TRPM3: variants seen among roughly 807,000 people sequenced by gnomAD.
TRPM3 encodes the protein transient receptor potential cation channel subfamily M member 3.
A neutral mutation model predicts 181.2 loss-of-function variants in TRPM3; 77 were observed. The observed-to-expected ratio is 0.42, with a 90% CI of 0.35 to 0.51. The LOEUF (loss-of-function observed/expected upper bound fraction) is 0.51, where lower values mean the gene tolerates loss of function less well. TRPM3 is among the 20% of genes least tolerant of loss of function. TRPM3 has a pLI of 0.01. For synonymous variants in TRPM3, 745 were observed against 796.4 expected, an observed-to-expected ratio of 0.94 and a Z score of 1.09; for missense variants, 1,759 against 2,196.7, an observed-to-expected ratio of 0.80 and a Z score of 3.98.
At chr9:71,148,253 T>G (rs900464529) in intron 1 of TRPM3, among the ~76,000 whole-genome samples, 3 of 152,164 alleles carry the variant, frequency 2.0e-5, no homozygotes, top group African/African-American at 7.2e-5. Context: ...CAAATAATAT[T>G]TAAAATATTA....
At chr9:71,369,539 C>T (rs1039978157) in intron 1 of TRPM3, among the ~76,000 whole-genome samples, 1 of 152,142 alleles carries the variant, frequency 6.6e-6, no homozygotes. Flanking sequence ...GAGTCTCACT[C>T]TGTCGCCAGG....
At chr9:70,546,153 T>C (rs1435290745) in intron 25 of TRPM3, among the ~76,000 whole-genome samples, 4 of 152,224 alleles carry the variant, frequency 2.6e-5, no homozygotes, top group Non-Finnish European at 2.9e-5. Flanking sequence ...GGATTTTATA[T>C]GCTCCACAGT....
chr9:71,369,700 A>C (rs2092451074), intron 1 of TRPM3, among the ~76,000 whole-genome samples: 1 of 152,140 alleles, frequency 6.6e-6, no homozygotes, highest in African/African-American at 2.4e-5. Context: ...TCAATTTTTC[A>C]ATCGGGGTTA....
chr9:70,953,674 C>G (rs1011158628), intron 1 of TRPM3, among the ~76,000 whole-genome samples: 1 of 152,150 alleles, frequency 6.6e-6, no homozygotes, highest in Non-Finnish European at 1.5e-5. Context: ...TCCCTCCCCA[C>G]CAGGTTCCAA....
At chr9:70,805,375 A>G (rs924420733) in intron 6 of TRPM3, among the ~76,000 whole-genome samples, 2 of 151,938 alleles carry the variant, frequency 1.3e-5, no homozygotes, top group Non-Finnish European at 2.9e-5. Context: ...CTCTACTAAA[A>G]ATACAAAAAT....
chr9:70,799,127 T>C (rs1275275533), intron 6 of TRPM3, among the ~76,000 whole-genome samples: 1 of 152,216 alleles, frequency 6.6e-6, no homozygotes, highest in Non-Finnish European at 1.5e-5. Context: ...TTCCCCTTGC[T>C]GGAAGGATGT....
intron 22 of TRPM3, among the ~76,000 whole-genome samples, chr9:70,587,822 T>C (rs545957731): frequency 1.3e-5 from 2 of 152,288 alleles, no homozygotes; most frequent in African/African-American, 4.8e-5. Flanking sequence ...GAAGACAATT[T>C]TGGGCTATTT....
intron 1 of TRPM3, among the ~76,000 whole-genome samples, chr9:71,107,163 G>A (rs550440162): frequency 6.6e-6 from 1 of 152,244 alleles, no homozygotes; most frequent in East Asian, 1.9e-4. Flanking sequence ...CCTGCACAGA[G>A]GCAGTCCCTC....
chr9:70,998,220 T>C (rs1024091878), intron 1 of TRPM3, among the ~76,000 whole-genome samples: 4 of 139,238 alleles, frequency 2.9e-5, no homozygotes, highest in African/African-American at 1.0e-4. Flanking sequence ...TACACATATA[T>C]ATACATATAC....
At chr9:71,304,246 G>A (rs187070677) in intron 1 of TRPM3, among the ~76,000 whole-genome samples, 1 of 152,142 alleles carries the variant, frequency 6.6e-6, no homozygotes, top group South Asian at 2.1e-4. Flanking sequence ...ACCAAGTTAA[G>A]GATAGAGTTC....
At chr9:71,352,756 G>A (rs1231626392) in intron 1 of TRPM3, among the ~76,000 whole-genome samples, 1 of 152,058 alleles carries the variant, frequency 6.6e-6, no homozygotes, top group Non-Finnish European at 1.5e-5. Flanking sequence ...ACCACTACCA[G>A]ATTTTCCCAG....
chr9:71,268,512 T>C (rs1373863130), intron 1 of TRPM3, among the ~76,000 whole-genome samples: 1 of 152,084 alleles, frequency 6.6e-6, no homozygotes, highest in Non-Finnish European at 1.5e-5. Context: ...TGTCCTAGCA[T>C]GGGTTTGTGG....
chr9:71,302,182 A>T (rs549504607), intron 1 of TRPM3, among the ~76,000 whole-genome samples: 1 of 152,232 alleles, frequency 6.6e-6, no homozygotes, highest in East Asian at 1.9e-4. Flanking sequence ...ACACATTTGA[A>T]AAAAAATCAA....
intron 22 of TRPM3, among the ~76,000 whole-genome samples, chr9:70,573,299 G>A (rs2052955793): frequency 1.3e-5 from 2 of 152,150 alleles, no homozygotes; most frequent in African/African-American, 2.4e-5. Context: ...AAGTTCCAAA[G>A]CAAACAAAAT....
intron 1 of TRPM3, among the ~76,000 whole-genome samples, chr9:71,254,318 A>C (rs955213633): frequency 6.6e-6 from 1 of 152,228 alleles, no homozygotes; most frequent in African/African-American, 2.4e-5. Flanking sequence ...TCATAGACGA[A>C]AAGAGTAGAA....
chr9:70,983,137 C>T (rs1310130992), intron 1 of TRPM3, among the ~76,000 whole-genome samples: 1 of 152,154 alleles, frequency 6.6e-6, no homozygotes, highest in Non-Finnish European at 1.5e-5. Context: ...GAACTCTCCA[C>T]CACATTAGAC....
chr9:70,899,179 G>A (rs2096344368), intron 1 of TRPM3, among the ~76,000 whole-genome samples: 1 of 152,204 alleles, frequency 6.6e-6, no homozygotes, highest in African/African-American at 2.4e-5. Flanking sequence ...GAGGGAAAGA[G>A]AGATTTCAGT....
In TRPM3 at chr9:70,529,875, GTGTATTC is replaced by G. The variant is rs925572441; in HGVS notation, c.*6071_*6077del. 8 of 152,224 alleles carry G rather than the reference GTGTATTC, an allele frequency of 5.3e-5. No homozygotes were observed. Among genetic ancestry groups the G allele is most frequent in the African/African-American group, 1.9e-4 (8 of 41,460 alleles). 9.4% of individuals were successfully genotyped at this position (152,224 alleles called of 1,614,324 possible). A position where few individuals can be genotyped will look rare whatever the true frequency, so the allele number is the denominator to read the frequency against. On this transcript the variant is annotated 3_prime_UTR_variant, in exon 26 of 26. Coordinates refer to ENST00000677713, the MANE Select transcript of TRPM3 (RefSeq NM_001366145.2). Reference sequence around the variant, plus strand: ...AATTTGAAGGTGTTTGTGGTGGGATGTGTATTCTGTCATGCCTTACTTACAAACCCTA... The same window carrying G: ...AATTTGAAGGTGTTTGTGGTGGGATGTGTCATGCCTTACTTACAAACCCTA...
Position 71,405,959 on chromosome 9 carries a change from T to G in TRPM3, c.183+40694A>C, listed in dbSNP as rs140400500. ...AGATAAAGCTTTCCATCATTTAATA[T>G]CGCGTTATCTTTTTTCAAACAATAA... On this transcript the variant is annotated intron_variant, in intron 1 of 24. Coordinates refer to the TRPM3 transcript ENST00000357533. 5.9e-3 allele frequency among the ~76,000 whole-genome samples: 902 copies of G among 152,272 alleles called. 12 individuals carry two copies. The highest frequency in any genetic ancestry group is 0.021 in the African/African-American group (866 of 41,552).
Sources: gnomAD v4.1 joint callset for allele counts (sites outside exome capture counted in the v4.1 genomes callset) on GRCh38, gnomAD v4.1.1 for gene constraint, MANE v1.5 for transcripts, NCBI Gene and HGNC (gene_info 2026-07-23, HGNC 2026-07-21) for gene names.